FHAD1: variants seen among roughly 807,000 people sequenced by gnomAD.
The protein encoded by FHAD1 is forkhead associated phosphopeptide binding domain 1, also known as forkhead-associated domain-containing protein 1.
In FHAD1, 146 loss-of-function variants were observed where a neutral mutation model predicts 191.3. That is an observed-to-expected ratio of 0.76 (90% CI 0.67 to 0.88). The LOEUF (loss-of-function observed/expected upper bound fraction) is 0.88. FHAD1 is among the 40% of genes least tolerant of loss of function. The pLI is 0.00. For missense variants in FHAD1, 1,635 were observed against 1,785.8 expected (o/e 0.92, Z 1.52); for synonymous variants, 616 against 672.3 (o/e 0.92, Z 1.29).
chr1:15,387,119 G>C (rs986320966), intron 31 of FHAD1, among the ~76,000 whole-genome samples: 1 of 152,030 alleles, frequency 6.6e-6, no homozygotes, highest in Non-Finnish European at 1.5e-5. Context: ...GAACTCCTGG[G>C]CTCAAGTGAT....
rs1663751280 is a variant in FHAD1, at chr1:15,289,569, G to C, written c.471G>C (p.Val157=). ...CCCAGGCCTTTCCCAGACCCACCGT[G>C]GTCCTGCCGGCCTCCCACAGGCGGC... ...SWSQAFPRPT[V]VLPASHRRPV... is the part of the protein sequence containing the mutation. The change falls in exon 4 of 34, where the codon GTG becomes GTC. Residue 157 remains valine, a synonymous_variant. Coordinates refer to ENST00000688493, the MANE Select transcript of FHAD1 (RefSeq NM_001391957.1). This position sits in a 1 kb window ranked among gnomAD's most constrained non-coding sequence, Gnocchi z 4.2. The C allele has an allele frequency of 6.4e-7, 1 of 1,551,650 alleles. No homozygotes were observed.
chr1:15,345,504 G>C lies in FHAD1; in HGVS notation c.2327G>C (p.Arg776Pro). ...EQTRVQELEE[R>P]LARQKEVLES... ...ACAAGAGTCCAAGAGCTGGAGGAACGCTTGGCCCGCCAGAAGGAGGTACGC... is the reference window on the plus strand; with the variant it reads ...ACAAGAGTCCAAGAGCTGGAGGAACCCTTGGCCCGCCAGAAGGAGGTACGC... The change falls in exon 18 of 34, where the codon CGC becomes CCC. Residue 776 changes from arginine to proline, a missense_variant. Physicochemically the swap from Arg to Pro is moderately radical, Grantham distance 103. Coordinates refer to ENST00000688493, the MANE Select transcript of FHAD1 (RefSeq NM_001391957.1). 6.4e-7 allele frequency: 1 copy of C among 1,551,990 alleles called. No individual in the cohort carries two copies. The highest frequency in any genetic ancestry group is 8.7e-7 in the Non-Finnish European group (1 of 1,147,014).
At chr1:15,388,693 C>T (rs1309699271) in intron 32 of FHAD1, among the ~76,000 whole-genome samples, 1 of 152,130 alleles carries the variant, frequency 6.6e-6, no homozygotes, top group Non-Finnish European at 1.5e-5. Flanking sequence ...CTCCGACCTT[C>T]CTGGCAGCCA....
chr1:15,337,014 A>G (rs1018226540), intron 14 of FHAD1, among the ~76,000 whole-genome samples: 42 of 152,168 alleles, frequency 2.8e-4, no homozygotes, highest in Admixed American at 2.6e-4. Context: ...GGGCTTCCCC[A>G]GCCACTCCTA....
At chr1:15,305,911 T>G (rs1055095563) in intron 6 of FHAD1, 6 of 248,768 alleles carry the variant, frequency 2.4e-5, no homozygotes, top group African/African-American at 1.4e-4. Flanking sequence ...TTGGTACCAA[T>G]AGAGTGGGGC....
Position 15,313,169 on chromosome 1 carries a change from G to A in FHAD1, c.1152G>A (p.Leu384=). The change falls in exon 8 of 34, where the codon CTG becomes CTA. Residue 384 remains leucine (L), a synonymous_variant. Coordinates refer to ENST00000688493, the MANE Select transcript of FHAD1 (RefSeq NM_001391957.1). ...AGAACAAGGACAAGGACCACCAGCT[G>A]GAAGCCCTTGGCTCTAGAGTGAGTA... ...KSQNKDKDHQ[L]EALGSRCSVL... 6.4e-7 allele frequency: 1 copy of A among 1,551,970 alleles called. No homozygotes were observed. The highest frequency in any genetic ancestry group is 8.7e-7 in the Non-Finnish European group (1 of 1,147,034).
chr1:15,317,369 C>A (rs578029786), intron 9 of FHAD1, among the ~76,000 whole-genome samples: 1 of 152,314 alleles, frequency 6.6e-6, no homozygotes, highest in South Asian at 2.1e-4. Flanking sequence ...TGCTCTTCCC[C>A]ACGCCAGCAC....
downstream of FHAD1, among the ~76,000 whole-genome samples, chr1:15,401,331 C>T (rs1039321568): frequency 1.3e-4 from 20 of 152,292 alleles, no homozygotes; most frequent in Admixed American, 7.8e-4. Context: ...GCATTTACTA[C>T]GACGCTCTGC....
rs200196291 is a variant in FHAD1, at chr1:15,296,772, G to A, written c.657G>A (p.Glu219=). The A allele has an allele frequency of 7.3e-3, 11,267 of 1,551,714 alleles. 65 individuals are homozygous for A. Among genetic ancestry groups the A allele is most frequent in the Non-Finnish European group, 8.8e-3 (10,105 of 1,146,948 alleles). The part of the protein sequence containing the change: ...AVPPAEIYVE[E]DLAQQDKDEI... ...CCCCTGCGGAGATTTATGTGGAGGA[G>A]GACTTGGCCCAGCAGGACAAGGTGA... Residue 219 remains glutamate, a synonymous_variant, in exon 5 of 34, where the codon GAG becomes GAA. Transcript: ENST00000688493.
In FHAD1 at chr1:15,247,358, C is replaced by G. The variant is rs1374064441; in HGVS notation, c.-52C>G. The G allele has an allele frequency of 4.3e-6, 1 of 233,988 alleles. No individual in the cohort carries two copies. Among genetic ancestry groups the G allele is most frequent in the Admixed American group, 4.9e-5 (1 of 20,264 alleles). The allele number at this position is 233,988 out of a possible 1,614,324, so 14.5% of individuals were successfully genotyped here. ...ACGCCTCCCGAGCTGGCAGGGCTCT[C>G]GGCGGAGGTCGGAGCGTGGGCTTCC... On this transcript the variant is annotated 5_prime_UTR_variant, in exon 1 of 34. Coordinates refer to ENST00000688493, the MANE Select transcript of FHAD1 (RefSeq NM_001391957.1).
At chr1:15,341,993 T>C in intron 16 of FHAD1, 105 bp downstream of exon 16, 1 of 931,342 alleles carries the variant, frequency 1.1e-6, no homozygotes, top group Non-Finnish European at 1.5e-6. Context: ...TCAGCTACTC[T>C]GTTTGGTGCC....
In FHAD1 at chr1:15,308,634, T is replaced by A; in HGVS notation, c.937T>A (p.Tyr313Asn). 6.4e-7 allele frequency: 1 copy of A among 1,551,760 alleles called. No homozygotes were observed. The highest frequency in any genetic ancestry group is 8.7e-7 in the Non-Finnish European group (1 of 1,146,994). Reference sequence around the variant, plus strand: ...ACAGATCAGTGCCCTACAGAAAGGCTACAGCAAGGTGCTGTGCCAGACCCT... The same window carrying A: ...ACAGATCAGTGCCCTACAGAAAGGCAACAGCAAGGTGCTGTGCCAGACCCT... ...KSQISALQKGYSKVLCQTLSE... is the reference protein window; with the variant it reads ...KSQISALQKGNSKVLCQTLSE... The change falls in exon 7 of 34, where the codon TAC becomes AAC. Residue 313 changes from tyrosine (Y) to asparagine (N), a missense_variant. Transcript: ENST00000688493.
At chr1:15,367,649 G>C (rs1696896848) in intron 25 of FHAD1, 27 bp downstream of exon 25, 1 of 1,493,248 alleles carries the variant, frequency 6.7e-7, no homozygotes. Flanking sequence ...CCGGGTTGGG[G>C]GGATGGTTTG....
At chr1:15,303,063 G>A (rs1021801351) in intron 6 of FHAD1, among the ~76,000 whole-genome samples, 11 of 152,174 alleles carry the variant, frequency 7.2e-5, no homozygotes, top group Admixed American at 2.6e-4. Context: ...TCATTCAAAC[G>A]TTTGTTGAGT....
intron 13 of FHAD1, 38 bp downstream of exon 13, chr1:15,328,467 G>T (rs1165178406): frequency 7.4e-7 from 1 of 1,357,822 alleles, no homozygotes; most frequent in Non-Finnish European, 9.6e-7. Context: ...TGGTCTCTTT[G>T]TCTAATTTTT....
intron 3 of FHAD1, among the ~76,000 whole-genome samples, chr1:15,274,154 G>A (rs903790251): frequency 2.0e-5 from 3 of 152,160 alleles, no homozygotes; most frequent in South Asian, 2.1e-4. Context: ...GGGTAGACAC[G>A]TGGGCTCCTT....
At chr1:15,321,426 AAATTC>A (rs1289137899) in intron 10 of FHAD1, among the ~76,000 whole-genome samples, 1 of 152,172 alleles carries the variant, frequency 6.6e-6, no homozygotes, top group Admixed American at 6.5e-5. Context: ...CAACTTACCA[AAATTC>A]AATATTCATT....
At chr1:15,345,010 A>T (rs1019997890) in intron 16 of FHAD1, 73 bp from the exon 17 acceptor site, 1 of 1,153,260 alleles carries the variant, frequency 8.7e-7, no homozygotes, top group African/African-American at 1.5e-5. Context: ...GAGGTAGCAC[A>T]TGCAGTGCCT....
rs34110532 is a variant in FHAD1 at position 15,278,475 on chromosome 1, C to CTTT, written c.300+5960_300+5962dup. Reference sequence around the variant, plus strand: ...ACGCTTTGAACAGTCTTCATTACCTCTTTTTTTTTTTTTTTTGAGACGGAG... The same window carrying CTTT: ...ACGCTTTGAACAGTCTTCATTACCTCTTTTTTTTTTTTTTTTTTTGAGACGGAG... On this transcript the variant is annotated intron_variant, in intron 3 of 33. Coordinates refer to ENST00000688493, the MANE Select transcript of FHAD1 (RefSeq NM_001391957.1). 9.0e-3 allele frequency among the ~76,000 whole-genome samples: 1,114 copies of CTTT among 124,316 alleles called. 70 individuals are homozygous for CTTT. The highest frequency in any genetic ancestry group is 0.088 in the East Asian group (404 of 4,578). 81.6% of individuals were successfully genotyped at this position (124,316 alleles called of 152,430 possible). A position where few individuals can be genotyped will look rare whatever the true frequency, so the allele number is the denominator to read the frequency against.
Sources: gnomAD v4.1 joint callset for allele counts (sites outside exome capture counted in the v4.1 genomes callset) on GRCh38, gnomAD v4.1.1 for gene constraint, Gnocchi (gnomAD v3.1) non-coding constraint, MANE v1.5 for transcripts, NCBI Gene and HGNC (gene_info 2026-07-23, HGNC 2026-07-21) for gene names.